Variants in WNT2B observed in about 807,000 individuals in gnomAD.
WNT2B encodes the protein Wnt family member 2B.
In WNT2B, 19 loss-of-function variants were observed where a neutral mutation model predicts 40.5. The ratio of observed to expected loss-of-function variants is 0.47; its 90% CI spans 0.33 to 0.69. The LOEUF is 0.69. Ranked by LOEUF, WNT2B falls within the 30% of genes least tolerant of loss-of-function variation. The pLI is 0.02. For synonymous variants in WNT2B, 220 were observed against 211.9 expected, an observed-to-expected ratio of 1.04 and a Z score of -0.33; for missense variants, 467 against 556.4, an observed-to-expected ratio of 0.84 and a Z score of 1.62.
chr1:112,522,222 A>C lies in WNT2B; in HGVS notation c.*1713A>C, dbSNP rs1009883363. On this transcript the variant is annotated 3_prime_UTR_variant, in exon 5 of 5. Coordinates refer to ENST00000369684, the MANE Select transcript of WNT2B (RefSeq NM_024494.3). ...ATTTAAACATAGTTTTCAGAGATGG[A>C]GCTCACTATGTTGCCCAGGCTGGTC... is the stretch of plus-strand genomic sequence containing the variant. 7.9e-5 allele frequency: 12 copies of C among 151,932 alleles called. No individual in the cohort carries two copies. The highest frequency in any genetic ancestry group is 2.7e-4 in the African/African-American group (11 of 41,338). 9.4% of individuals were successfully genotyped at this position (151,932 alleles called of 1,614,324 possible).
At chr1:112,483,171 G>A (rs1298748195) in intron 1 of WNT2B, among the ~76,000 whole-genome samples, 5 of 145,382 alleles carry the variant, frequency 3.4e-5, no homozygotes, top group Non-Finnish European at 7.5e-5. Context: ...TCTAGCCTGG[G>A]CAACATAGAT....
chr1:112,489,645 C>A (rs1304553344), intron 1 of WNT2B, among the ~76,000 whole-genome samples: 2 of 152,174 alleles, frequency 1.3e-5, no homozygotes, highest in Non-Finnish European at 2.9e-5. Flanking sequence ...TACCAGTTGT[C>A]ATAAAACTTG....
At position 112,509,364 on chromosome 1, in the gene WNT2B, G is replaced by A. The variant is rs763509995; in HGVS notation, c.102G>A (p.Arg34=). The change falls in exon 1 of 5, where the codon CGG becomes CGA. Residue 34 remains arginine, a synonymous_variant. Coordinates refer to ENST00000369684, the MANE Select transcript of WNT2B (RefSeq NM_024494.3). The surrounding 1 kb of genome is among the most constrained non-coding windows in gnomAD (Gnocchi z 4.2). The part of the protein sequence containing the change: ...VPSPAAPDGS[R]ASARLGLACL... ...CGCCCGCGGCCCCCGACGGCTCCCG[G>A]GCTTCGGCCCGCCTAGGTCTTGCCT... 8.1e-5 allele frequency: 130 copies of A among 1,595,860 alleles called. No homozygotes were observed. The East Asian group carries it at 2.9e-3, about 36-fold the overall frequency.
intron 1 of WNT2B, among the ~76,000 whole-genome samples, chr1:112,493,454 CA>C (rs1018076607): frequency 1.3e-5 from 2 of 151,902 alleles, no homozygotes; most frequent in African/African-American, 2.4e-5. Flanking sequence ...CCTGCCTTTA[CA>C]AAAAAATGTA....
chr1:112,486,363 A>C (rs1420260679), intron 1 of WNT2B, among the ~76,000 whole-genome samples: 2 of 152,152 alleles, frequency 1.3e-5, no homozygotes, highest in African/African-American at 2.4e-5. Context: ...GGTTGGCTTG[A>C]GCTTCAGAGG....
At chr1:112,490,126 A>T (rs1651550198) in intron 1 of WNT2B, among the ~76,000 whole-genome samples, 1 of 125,804 alleles carries the variant, frequency 7.9e-6, no homozygotes, top group Non-Finnish European at 1.9e-5. Context: ...CAGGAAATAA[A>T]GAAACAAACA....
rs1268607799 is a variant in WNT2B at position 112,524,923 on chromosome 1, T to C, written c.*4414T>C. 2 of 152,192 alleles carry C rather than the reference T, an allele frequency of 1.3e-5. No homozygotes were observed. Among genetic ancestry groups the C allele is most frequent in the African/African-American group, 4.8e-5 (2 of 41,432 alleles). 9.4% of individuals were successfully genotyped at this position (152,192 alleles called of 1,614,324 possible). On this transcript the variant is annotated 3_prime_UTR_variant, in exon 5 of 5. Transcript: ENST00000369684. ...ATAGGGTCTGGCTTTAATCAAGGAATATCTACAAAGTCACATTACCAACCT... is the reference window on the plus strand; with the variant it reads ...ATAGGGTCTGGCTTTAATCAAGGAACATCTACAAAGTCACATTACCAACCT...
chr1:112,468,007 A>G (rs1441416281), intron 1 of WNT2B, among the ~76,000 whole-genome samples: 2 of 152,094 alleles, frequency 1.3e-5, no homozygotes, highest in African/African-American at 4.8e-5. Context: ...TCTATTCTCT[A>G]TGGCCATGAG....
chr1:112,516,479 C>A, intron 3 of WNT2B, 62 bp downstream of exon 3: 1 of 1,548,884 alleles, frequency 6.5e-7, no homozygotes, highest in Non-Finnish European at 8.7e-7. Flanking sequence ...TGTGTGTGAC[C>A]ATGGACTAAA....
At chr1:112,514,765 G>C (rs933192190) in intron 1 of WNT2B, 109 bp from the exon 2 acceptor site, 35 of 1,008,356 alleles carry the variant, frequency 3.5e-5, no homozygotes, top group Non-Finnish European at 5.0e-5. Flanking sequence ...GTTAGGGAGA[G>C]GGGACAGAAT....
Position 112,526,138 on chromosome 1 carries a change from G to T in WNT2B, c.*5629G>T. The T allele has an allele frequency of 1.9e-6, 3 of 1,613,860 alleles. No individual in the cohort carries two copies. The highest frequency in any genetic ancestry group is 2.5e-6 in the Non-Finnish European group (3 of 1,179,922). The stretch of plus-strand genomic sequence containing the variant: ...TTCAAAACAGAAATTGATACAAAAT[G>T]TTCAAGCCCTGTAGGAGTCCCAGGA... On this transcript the variant is annotated 3_prime_UTR_variant, in exon 5 of 5. Coordinates refer to ENST00000369684, the MANE Select transcript of WNT2B (RefSeq NM_024494.3).
chr1:112,524,292 G>A lies in WNT2B; in HGVS notation c.*3783G>A, dbSNP rs564471352. On this transcript the variant is annotated 3_prime_UTR_variant, in exon 5 of 5. Coordinates refer to ENST00000369684, the MANE Select transcript of WNT2B (RefSeq NM_024494.3). Reference sequence around the variant, plus strand: ...GTCTTTCTGAGGTTTTTATTTAAATGCACTCAGTGGTCATAGGGCAGAAGC... The same window carrying A: ...GTCTTTCTGAGGTTTTTATTTAAATACACTCAGTGGTCATAGGGCAGAAGC... The A allele has an allele frequency of 6.6e-6, 1 of 152,630 alleles. No homozygotes were observed. Among genetic ancestry groups the A allele is most frequent in the Admixed American group, 6.5e-5 (1 of 15,284 alleles). The allele number at this position is 152,630 out of a possible 1,614,324, so 9.5% of individuals were successfully genotyped here.
intron 1 of WNT2B, among the ~76,000 whole-genome samples, chr1:112,498,945 C>T (rs1189375696): frequency 9.9e-5 from 15 of 152,138 alleles, no homozygotes; most frequent in Non-Finnish European, 1.6e-4. Context: ...CGGTGGCTCA[C>T]GCCTGTAATT....
At chr1:112,494,315 A>C (rs1446054963) in intron 1 of WNT2B, among the ~76,000 whole-genome samples, 3 of 151,366 alleles carry the variant, frequency 2.0e-5, no homozygotes, top group Non-Finnish European at 2.9e-5. Flanking sequence ...GTTTCAAAAA[A>C]AAAAATTATA....
intron 1 of WNT2B, among the ~76,000 whole-genome samples, chr1:112,512,657 A>G (rs1377783366): frequency 6.6e-6 from 1 of 152,184 alleles, no homozygotes; most frequent in Non-Finnish European, 1.5e-5. Context: ...ACTCTACCAG[A>G]CCGTGAGGTG....
upstream of WNT2B, among the ~76,000 whole-genome samples, chr1:112,506,103 C>A (rs141276758): frequency 7.5e-3 from 1,136 of 152,254 alleles, 4 homozygotes; most frequent in Admixed American, 0.01. Flanking sequence ...ACTTCCTGGG[C>A]GTAAACAATC....
chr1:112,482,403 A>G (rs1000726317), intron 1 of WNT2B, among the ~76,000 whole-genome samples: 2 of 152,212 alleles, frequency 1.3e-5, no homozygotes. Context: ...TGATGTTATC[A>G]TAGCTCACTG....
At chr1:112,484,071 A>G (rs7412537) in intron 1 of WNT2B, among the ~76,000 whole-genome samples, 44,377 of 147,782 alleles carry the variant, frequency 0.3, 7,626 homozygotes, top group African/African-American at 0.47. Context: ...GACGAACCTG[A>G]GCAACATAGT....
chr1:112,509,290 G>A lies in WNT2B; in HGVS notation c.28G>A (p.Ala10Thr). MLRPGGAEE[A>T]AQLPLRRASA... Reference sequence around the variant, plus strand: ...GCTGAGACCGGGTGGTGCGGAGGAAGCTGCGCAGCTCCCGCTTCGGCGCGC... The same window carrying A: ...GCTGAGACCGGGTGGTGCGGAGGAAACTGCGCAGCTCCCGCTTCGGCGCGC... Residue 10 changes from alanine (A) to threonine (T), a missense_variant, in exon 1 of 5, where the codon GCT becomes ACT. Transcript: ENST00000369684. This position sits in a 1 kb window ranked among gnomAD's most constrained non-coding sequence, Gnocchi z 4.2. The A allele has an allele frequency of 6.5e-7, 1 of 1,544,852 alleles. No individual in the cohort carries two copies. The highest frequency in any genetic ancestry group is 8.7e-7 in the Non-Finnish European group (1 of 1,150,910).
Sources: allele counts gnomAD v4.1 joint callset (sites outside exome capture counted in the v4.1 genomes callset), GRCh38; gene constraint gnomAD v4.1.1; non-coding constraint Gnocchi (gnomAD v3.1); transcripts MANE v1.5; gene names NCBI Gene and HGNC (gene_info 2026-07-23, HGNC 2026-07-21).